The following NCKAP1 variants were observed in gnomAD, a reference collection of about 807,000 sequenced individuals.
NCKAP1 encodes the protein nck-associated protein 1.
NCKAP1 carries 21 observed loss-of-function variants against 151.2 expected under a neutral mutation model. The observed-to-expected ratio is 0.14, with a 90% CI of 0.10 to 0.20. NCKAP1 has a LOEUF of 0.20. NCKAP1 is among the 10% of genes least tolerant of loss of function. The pLI is 1.00. For missense variants in NCKAP1, 933 were observed against 1,352.1 expected (o/e 0.69, Z 4.86); for synonymous variants, 484 against 451.8 (o/e 1.07, Z -0.90).
At chr2:183,003,102 AG>A in intron 3 of NCKAP1, 72 bp from the exon 4 acceptor site, 1 of 1,389,746 alleles carries the variant, frequency 7.2e-7, no homozygotes, top group East Asian at 2.4e-5. Context: ...CAAACAAATA[AG>A]GTATGTGTTA....
At position 182,969,918 on chromosome 2, in the gene NCKAP1, C is replaced by T. The variant is rs914365128; in HGVS notation, c.1483-2557G>A. On this transcript the variant is annotated intron_variant, in intron 15 of 30. Coordinates refer to ENST00000361354, the MANE Select transcript of NCKAP1 (RefSeq NM_013436.5). ...AATTAAGAAAAAAAGAAAGAAGACC[C>T]CAAAAAAATCAGAAATAGAAAAGGA... Among the ~76,000 whole-genome samples, 8 of 151,620 alleles carry T rather than the reference C, an allele frequency of 5.3e-5. No individual in the cohort carries two copies. The South Asian group carries it at 1.3e-3, about 24-fold the overall frequency.
intron 23 of NCKAP1, among the ~76,000 whole-genome samples, chr2:182,949,676 C>T (rs1341685532): frequency 6.6e-6 from 1 of 152,156 alleles, no homozygotes; most frequent in Non-Finnish European, 1.5e-5. Flanking sequence ...TGCCTGTAGT[C>T]CCAGCTACTC....
At chr2:182,951,876 G>C (rs1044602988) in intron 23 of NCKAP1, among the ~76,000 whole-genome samples, 1 of 151,906 alleles carries the variant, frequency 6.6e-6, no homozygotes, top group Non-Finnish European at 1.5e-5. Flanking sequence ...CTAATAAAAA[G>C]GTATTTAAAA....
chr2:182,937,551 A>C (rs185555690), intron 24 of NCKAP1, among the ~76,000 whole-genome samples: 1 of 152,326 alleles, frequency 6.6e-6, no homozygotes, highest in African/African-American at 2.4e-5. Flanking sequence ...AGGAGTTTAT[A>C]CTGTATCCTT....
intron 15 of NCKAP1, among the ~76,000 whole-genome samples, chr2:182,967,575 C>G (rs1697598911): frequency 6.6e-6 from 1 of 152,124 alleles, no homozygotes; most frequent in Non-Finnish European, 1.5e-5. Context: ...GTCCATAAAA[C>G]AGTGTCTAAT....
In NCKAP1 at chr2:182,930,804, G is replaced by T. The variant is rs1696747900; in HGVS notation, c.2860-16C>A. On this transcript the variant is annotated splice_polypyrimidine_tract_variant and intron_variant, in intron 26 of 30. Transcript: ENST00000361354. ...TCATTGCAACCTGATAAAAACAAAAGAATTACAGAGCAATAAATAGTCTAA... is the reference window on the plus strand; with the variant it reads ...TCATTGCAACCTGATAAAAACAAAATAATTACAGAGCAATAAATAGTCTAA... 2.5e-6 allele frequency: 4 copies of T among 1,593,608 alleles called. No homozygotes were observed. Among genetic ancestry groups the T allele is most frequent in the African/African-American group, 2.7e-5 (2 of 74,368 alleles).
At chr2:182,970,962 C>T (rs904350582) in intron 15 of NCKAP1, among the ~76,000 whole-genome samples, 1 of 151,724 alleles carries the variant, frequency 6.6e-6, no homozygotes, top group Non-Finnish European at 1.5e-5. Flanking sequence ...AGCAAACACA[C>T]TGAAAAAGAA....
In NCKAP1 at chr2:182,914,015, C is replaced by T. The variant is rs1174488699; in HGVS notation, c.*11687G>A. The T allele has an allele frequency of 1.3e-5, 2 of 152,196 alleles. No individual in the cohort carries two copies. Among genetic ancestry groups the T allele is most frequent in the African/African-American group, 4.8e-5 (2 of 41,452 alleles). 9.4% of individuals were successfully genotyped at this position (152,196 alleles called of 1,614,324 possible). Reference sequence around the variant, plus strand: ...CCATTTACAAGCTATTGGACTAACTCCCCTTGGATCAGTTTTCTTCCCTCA... The same window carrying T: ...CCATTTACAAGCTATTGGACTAACTTCCCTTGGATCAGTTTTCTTCCCTCA... On this transcript the variant is annotated 3_prime_UTR_variant, in exon 31 of 31. Transcript: ENST00000361354.
chr2:182,953,260 C>G lies in NCKAP1; in HGVS notation c.2225G>C (p.Ser742Thr), dbSNP rs1199386055. 2 of 1,613,578 alleles carry G rather than the reference C, an allele frequency of 1.2e-6. No homozygotes were observed. The highest frequency in any genetic ancestry group is 1.7e-6 in the Non-Finnish European group (2 of 1,179,684). ...GAGTACGGTCATGTATGCTCTTACA[C>G]TTGTTAGAAGTTCTGAAGGTTTTGC... ...EIAKPSELLT[S>T]VRAYMTVLQS... The change falls in exon 21 of 31, where the codon AGT becomes ACT. Residue 742 changes from serine to threonine, a missense_variant. This residue lies in a region of NCKAP1 where 326 missense variants were observed against 557.1 expected (regional missense o/e 0.59). Coordinates refer to ENST00000361354, the MANE Select transcript of NCKAP1 (RefSeq NM_013436.5).
Position 182,925,663 on chromosome 2 carries a change from C to G in NCKAP1, c.*39G>C. 1 of 1,260,848 alleles carries G rather than the reference C, an allele frequency of 7.9e-7. No homozygotes were observed. Among genetic ancestry groups the G allele is most frequent in the Non-Finnish European group, 1.1e-6 (1 of 906,504 alleles). 78.1% of individuals were successfully genotyped at this position (1,260,848 alleles called of 1,614,324 possible). ...CCACAGTCTACAGGTAAAACCAAGG[C>G]AACAAAAATGCGTGCTTATCTTGAT... On this transcript the variant is annotated 3_prime_UTR_variant, in exon 31 of 31. Coordinates refer to ENST00000361354, the MANE Select transcript of NCKAP1 (RefSeq NM_013436.5).
At chr2:183,020,473 AAAAAAAAG>A (rs756645655) in intron 2 of NCKAP1, among the ~76,000 whole-genome samples, 3,335 of 145,544 alleles carry the variant, frequency 0.023, 50 homozygotes, top group Non-Finnish European at 0.036. Flanking sequence ...CCAAAAAAAA[AAAAAAAAG>A]AAAAAAAAGA....
chr2:183,017,561 G>A (rs1698716745), intron 2 of NCKAP1, among the ~76,000 whole-genome samples: 1 of 152,106 alleles, frequency 6.6e-6, no homozygotes, highest in South Asian at 2.1e-4. Flanking sequence ...GGGAGTGGCT[G>A]TAAATACAGA....
rs1287894636 is a variant in NCKAP1 at position 182,924,476 on chromosome 2, C to G, written c.*1226G>C. 3 of 152,144 alleles carry G rather than the reference C, an allele frequency of 2.0e-5. No individual in the cohort carries two copies. Among genetic ancestry groups the G allele is most frequent in the African/African-American group, 7.2e-5 (3 of 41,434 alleles). 9.4% of individuals were successfully genotyped at this position (152,144 alleles called of 1,614,324 possible). A position where few individuals can be genotyped will look rare whatever the true frequency, so the allele number is the denominator to read the frequency against. On this transcript the variant is annotated 3_prime_UTR_variant, in exon 31 of 31. Coordinates refer to ENST00000361354, the MANE Select transcript of NCKAP1 (RefSeq NM_013436.5). ...CAAACTAAATGAGCTGCTTTGCCCT[C>G]CATGCCAACTATTAAGCAATAGGCC...
intron 3 of NCKAP1, 71 bp from the exon 4 acceptor site, chr2:183,003,101 A>G: frequency 7.2e-7 from 1 of 1,397,498 alleles, no homozygotes; most frequent in Non-Finnish European, 9.9e-7. Context: ...ACAAACAAAT[A>G]AGGTATGTGT....
intron 18 of NCKAP1, 85 bp from the exon 19 acceptor site, chr2:182,957,681 C>A (rs767675648): frequency 2.9e-6 from 4 of 1,374,946 alleles, no homozygotes; most frequent in Middle Eastern, 2.0e-4. Flanking sequence ...TAGCTGAATC[C>A]AGGCTGTGTT....
chr2:183,035,446 G>C (rs1375769159), intron 1 of NCKAP1, among the ~76,000 whole-genome samples: 1 of 151,934 alleles, frequency 6.6e-6, no homozygotes, highest in African/African-American at 2.4e-5. Flanking sequence ...AGAGTAATTA[G>C]ATCTGGTAGA....
chr2:182,981,620 T>A (rs990868733), intron 12 of NCKAP1, among the ~76,000 whole-genome samples: 6 of 151,608 alleles, frequency 4.0e-5, no homozygotes, highest in African/African-American at 1.5e-4. Context: ...AAACTGAAAA[T>A]AAGCAGGGCC....
chr2:182,983,062 A>C (rs776382478), intron 11 of NCKAP1, 135 bp from the exon 12 acceptor site: 40 of 721,286 alleles, frequency 5.5e-5, no homozygotes, highest in Non-Finnish European at 8.5e-5. Context: ...ACAGAAGAGG[A>C]CACAAGAGAA....
At chr2:182,941,690 A>ATGTATG (rs1364984720) in intron 24 of NCKAP1, among the ~76,000 whole-genome samples, 4 of 152,206 alleles carry the variant, frequency 2.6e-5, no homozygotes, top group Non-Finnish European at 5.9e-5. Flanking sequence ...TAAATGGTAC[A>ATGTATG]TTTTATTGTA....
Sources: allele counts gnomAD v4.1 joint callset (sites outside exome capture counted in the v4.1 genomes callset), GRCh38; gene constraint gnomAD v4.1.1; regional missense constraint gnomAD v4.1.1; transcripts MANE v1.5; gene names NCBI Gene and HGNC (gene_info 2026-07-23, HGNC 2026-07-21).